VWA8: variants seen among roughly 807,000 people sequenced by gnomAD.
VWA8 encodes von Willebrand factor A domain containing 8, also known as von Willebrand factor A domain-containing protein 8.
Under a neutral mutation model 241.5 loss-of-function variants are expected in VWA8, and 221 were observed. That is an observed-to-expected ratio of 0.91 (90% confidence interval 0.82 to 1.02). The LOEUF (loss-of-function observed/expected upper bound fraction) is 1.02, where lower values mean the gene tolerates loss of function less well. Among genes scored for constraint, VWA8 ranks in the 50% least tolerant of loss-of-function variants. The pLI is 0.00. For missense variants in VWA8, 2,322 were observed against 2,328.7 expected, an observed-to-expected ratio of 1.00 and a Z score of 0.06; for synonymous variants, 852 against 827.1, an observed-to-expected ratio of 1.03 and a Z score of -0.52.
At chr13:41,881,252 G>A (rs79517458) in intron 9 of VWA8, among the ~76,000 whole-genome samples, 14 of 151,414 alleles carry the variant, frequency 9.2e-5, no homozygotes, top group African/African-American at 2.9e-4. Flanking sequence ...ACAAAAAGAT[G>A]GTCCAGGCTC....
At chr13:41,807,524 G>A (rs1870269045) in intron 17 of VWA8, among the ~76,000 whole-genome samples, 1 of 152,244 alleles carries the variant, frequency 6.6e-6, no homozygotes, top group Admixed American at 6.5e-5. Context: ...AGGGATGCCA[G>A]CATGGTTAAA....
At chr13:41,677,969 CAT>C (rs1485424189) in intron 35 of VWA8, among the ~76,000 whole-genome samples, 6 of 152,208 alleles carry the variant, frequency 3.9e-5, no homozygotes, top group Non-Finnish European at 8.8e-5. Context: ...AAAAACTCGA[CAT>C]ATCTCCTATT....
In VWA8 at chr13:41,631,363, C is replaced by T. The variant is rs76526597; in HGVS notation, c.4612-16279G>A. Among the ~76,000 whole-genome samples the T allele has an allele frequency of 4.9e-3, 750 of 152,086 alleles. 5 individuals are homozygous for T. The highest frequency in any genetic ancestry group is 0.017 in the African/African-American group (699 of 41,490). Reference sequence around the variant, plus strand: ...CAGGGGCAGGAAACCCTGTTAGCTCCGGGTTATTCTTAAATCCTGATCCTG... The same window carrying T: ...CAGGGGCAGGAAACCCTGTTAGCTCTGGGTTATTCTTAAATCCTGATCCTG... On this transcript the variant is annotated intron_variant, in intron 37 of 44. Coordinates refer to ENST00000379310, the MANE Select transcript of VWA8 (RefSeq NM_015058.2).
chr13:41,615,555 T>G (rs1463266002), intron 37 of VWA8, among the ~76,000 whole-genome samples: 1 of 152,208 alleles, frequency 6.6e-6, no homozygotes. Context: ...ACATATAATA[T>G]ATGGAAAAGA....
In VWA8 at chr13:41,881,849, C is replaced by T. The variant is rs1475161608; in HGVS notation, c.1080+1538G>A. Among the ~76,000 whole-genome samples the T allele has an allele frequency of 5.5e-5, 7 of 128,424 alleles. No homozygotes were observed. In the East Asian group the frequency reaches 7.1e-4, roughly 13 times the overall value. 84.3% of individuals were successfully genotyped at this position (128,424 alleles called of 152,430 possible). A position where few individuals can be genotyped will look rare whatever the true frequency, so the allele number is the denominator to read the frequency against. On this transcript the variant is annotated intron_variant, in intron 9 of 44. Coordinates refer to ENST00000379310, the MANE Select transcript of VWA8 (RefSeq NM_015058.2). ...CTCCCGGACGGGGCGGCTGGCCGGG[C>T]GGGGGGCTGACCCCCCCACCTCCCT...
At chr13:41,924,653 T>TA (rs1876742332) in intron 2 of VWA8, among the ~76,000 whole-genome samples, 1 of 152,080 alleles carries the variant, frequency 6.6e-6, no homozygotes, top group South Asian at 2.1e-4. Context: ...CCCGGGGTCT[T>TA]ACAAAATTAC....
chr13:41,845,462 T>C (rs1391808579), intron 12 of VWA8, among the ~76,000 whole-genome samples: 1 of 152,098 alleles, frequency 6.6e-6, no homozygotes, highest in Non-Finnish European at 1.5e-5. Flanking sequence ...ATCCTATTAC[T>C]GGGTATATGC....
At chr13:41,711,344 G>A (rs2137837632) in intron 26 of VWA8, among the ~76,000 whole-genome samples, 1 of 152,236 alleles carries the variant, frequency 6.6e-6, no homozygotes, top group South Asian at 2.1e-4. Flanking sequence ...GTCCAGATCT[G>A]TTTGAACCCA....
chr13:41,905,810 A>G (rs1396700472), intron 4 of VWA8, among the ~76,000 whole-genome samples: 1 of 152,084 alleles, frequency 6.6e-6, no homozygotes, highest in African/African-American at 2.4e-5. Flanking sequence ...TACCCTGTAG[A>G]GGTAAACCCT....
chr13:41,949,598 CAT>C (rs989584280), intron 2 of VWA8, among the ~76,000 whole-genome samples: 1 of 150,770 alleles, frequency 6.6e-6, no homozygotes, highest in Non-Finnish European at 1.5e-5. Context: ...GTGTACTGCA[CAT>C]GTGTCCCAGG....
At chr13:41,704,050 G>A (rs374844748) in intron 26 of VWA8, among the ~76,000 whole-genome samples, 3 of 152,066 alleles carry the variant, frequency 2.0e-5, no homozygotes, top group Admixed American at 6.5e-5. Flanking sequence ...ATGAGCCACC[G>A]TGCCCAGACA....
Position 41,875,916 on chromosome 13 carries a change from G to A in VWA8, c.1081-7439C>T, listed in dbSNP as rs144756103. Among the ~76,000 whole-genome samples, 273 of 152,016 alleles carry A rather than the reference G, an allele frequency of 1.8e-3. 1 individual carries two copies. The highest frequency in any genetic ancestry group is 3.4e-3 in the Middle Eastern group (1 of 294). On this transcript the variant is annotated intron_variant, in intron 9 of 44. Coordinates refer to ENST00000379310, the MANE Select transcript of VWA8 (RefSeq NM_015058.2). The stretch of plus-strand genomic sequence containing the variant: ...CTAATAGGCATCTTAAATCAAATAT[G>A]TCCAATACTCAGGTCTGATATTCCC...
intron 37 of VWA8, among the ~76,000 whole-genome samples, chr13:41,617,957 T>C (rs2044632466): frequency 1.3e-5 from 2 of 152,156 alleles, no homozygotes; most frequent in South Asian, 4.1e-4. Flanking sequence ...TGTGTCTTTA[T>C]AGTAGCATGA....
At chr13:41,924,231 A>C (rs1876715017) in intron 2 of VWA8, among the ~76,000 whole-genome samples, 1 of 152,142 alleles carries the variant, frequency 6.6e-6, no homozygotes, top group Non-Finnish European at 1.5e-5. Flanking sequence ...ACCAAATAGA[A>C]ATCTTGGAAC....
intron 32 of VWA8, 104 bp from the exon 33 acceptor site, chr13:41,690,379 G>A (rs1308008798): frequency 2.2e-6 from 2 of 920,710 alleles, no homozygotes. Flanking sequence ...CTTTTTTATA[G>A]TTCCAGTATA....
chr13:41,783,916 C>T lies in VWA8; in HGVS notation c.2171-15G>A. ...TGTTACTTCACCTAAACATTTCACACAGGACGGATAATTATTCATAGCACT... is the reference window on the plus strand; with the variant it reads ...TGTTACTTCACCTAAACATTTCACATAGGACGGATAATTATTCATAGCACT... On this transcript the variant is annotated splice_polypyrimidine_tract_variant and intron_variant, in intron 18 of 44. Transcript: ENST00000379310. 6.2e-7 allele frequency: 1 copy of T among 1,601,998 alleles called. No homozygotes were observed. The highest frequency in any genetic ancestry group is 8.6e-7 in the Non-Finnish European group (1 of 1,169,552).
rs549110087 is a variant in VWA8, at chr13:41,821,919, CTG to C, written c.1701-2535_1701-2534del. Reference sequence around the variant, plus strand: ...GAAGCCAGACAAAAAAGAGCACACACTGTGTGATTCCGTTTATATAAAACTCT... The same window carrying C: ...GAAGCCAGACAAAAAAGAGCACACACTGTGATTCCGTTTATATAAAACTCT... On this transcript the variant is annotated intron_variant, in intron 14 of 44. Coordinates refer to ENST00000379310, the MANE Select transcript of VWA8 (RefSeq NM_015058.2). Among the ~76,000 whole-genome samples, 85 of 152,196 alleles carry C rather than the reference CTG, an allele frequency of 5.6e-4. 1 individual carries two copies. The South Asian group carries it at 6.9e-3, about 12-fold the overall frequency.
intron 37 of VWA8, among the ~76,000 whole-genome samples, chr13:41,654,251 T>C (rs536158454): frequency 2.2e-4 from 33 of 152,260 alleles, no homozygotes; most frequent in African/African-American, 7.9e-4. Flanking sequence ...AAGATTCACA[T>C]CATCTTCAAA....
At chr13:41,725,066 C>G (rs1169276982) in intron 24 of VWA8, among the ~76,000 whole-genome samples, 1 of 152,022 alleles carries the variant, frequency 6.6e-6, no homozygotes, top group East Asian at 1.9e-4. Context: ...TGGCAGTAAC[C>G]AACTCTCTCC....
Sources: allele counts gnomAD v4.1 joint callset (sites outside exome capture counted in the v4.1 genomes callset), GRCh38; gene constraint gnomAD v4.1.1; transcripts MANE v1.5; gene names NCBI Gene and HGNC (gene_info 2026-07-23, HGNC 2026-07-21).